Variants in POMGNT1 observed in about 807,000 individuals in gnomAD.
POMGNT1 encodes the protein protein O-linked mannose N-acetylglucosaminyltransferase 1 (beta 1,2-), also known as protein O-linked-mannose beta-1,2-N-acetylglucosaminyltransferase 1.
In POMGNT1, 67 loss-of-function variants were observed where a neutral mutation model predicts 95.6. That is an observed-to-expected ratio of 0.70 (90% CI 0.58 to 0.86). POMGNT1 has a LOEUF of 0.86. POMGNT1 is among the 40% of genes least tolerant of loss of function. The probability of loss-of-function intolerance (pLI) is 0.00; values close to 1 mark genes in which losing one functional copy is unlikely to be tolerated. For synonymous variants in POMGNT1, 298 were observed against 317.9 expected (o/e 0.94, Z 0.66); for missense variants, 719 against 855.2 (o/e 0.84, Z 1.99).
intron 8 of POMGNT1, 26 bp from the exon 9 acceptor site, chr1:46,194,427 G>A (rs779306304): frequency 6.2e-7 from 1 of 1,614,164 alleles, no homozygotes; most frequent in South Asian, 1.1e-5. Flanking sequence ...GGTTGTCATG[G>A]AGGCATGGGG....
chr1:46,190,523 G>A lies in POMGNT1; in HGVS notation c.1605-6C>T, dbSNP rs2148172583. 6.2e-7 allele frequency: 1 copy of A among 1,603,418 alleles called. No individual in the cohort carries two copies. Among genetic ancestry groups the A allele is most frequent in the Non-Finnish European group, 8.5e-7 (1 of 1,170,228 alleles). On this transcript the variant is annotated splice_polypyrimidine_tract_variant and splice_region_variant and intron_variant, in intron 18 of 21. Transcript: ENST00000371984. ...CATAAGCTTCTTTCTTCAGACTGAA[G>A]AGGAGGGAGAAATGGGTCAGGGGAG...
intron 17 of POMGNT1, 136 bp from the exon 18 acceptor site, chr1:46,190,920 TCTC>T (rs2148176133): frequency 1.2e-6 from 1 of 809,654 alleles, no homozygotes; most frequent in East Asian, 2.7e-5. Flanking sequence ...CCCACCGTCT[TCTC>T]CATCCTCTTT....
chr1:46,192,366 A>ACCCAG lies in POMGNT1; in HGVS notation c.1350_1354dup (p.Val452AlafsTer59). On this transcript the variant is annotated frameshift_variant, in exon 16 of 22. Coordinates refer to ENST00000371984, the MANE Select transcript of POMGNT1 (RefSeq NM_017739.4). LOFTEE classifies it high-confidence loss of function. The stretch of plus-strand genomic sequence containing the variant: ...CTCCTTGTACAAGGACCTCCTGAGC[A>ACCCAG]CCCAGCCCAGCCCAGGCATGGTCTC... 6.2e-7 allele frequency: 1 copy of ACCCAG among 1,614,136 alleles called. No individual in the cohort carries two copies. Among genetic ancestry groups the ACCCAG allele is most frequent in the Non-Finnish European group, 8.5e-7 (1 of 1,180,016 alleles).
intron 1 of POMGNT1, among the ~76,000 whole-genome samples, chr1:46,212,595 G>C (rs1235445332): frequency 6.7e-6 from 1 of 149,286 alleles, no homozygotes; most frequent in Admixed American, 6.7e-5. Context: ...TTTTTTTTTT[G>C]AATCAGAGTC....
chr1:46,209,429 G>C (rs1164520534), intron 1 of POMGNT1, among the ~76,000 whole-genome samples: 1 of 152,126 alleles, frequency 6.6e-6, no homozygotes, highest in Non-Finnish European at 1.5e-5. Flanking sequence ...AGGGCTGGTT[G>C]AATGTTTAAA....
At chr1:46,206,740 A>C (rs1658729167) in intron 1 of POMGNT1, among the ~76,000 whole-genome samples, 1 of 152,204 alleles carries the variant, frequency 6.6e-6, no homozygotes, top group South Asian at 2.1e-4. Flanking sequence ...AGACCCCTGA[A>C]TCCTGGGAAC....
At position 46,196,274 on chromosome 1, in the gene POMGNT1, G is replaced by A. The variant is rs757734771; in HGVS notation, c.355-197C>T. Among the ~76,000 whole-genome samples the A allele has an allele frequency of 1.3e-5, 2 of 152,132 alleles. No individual in the cohort carries two copies. Among genetic ancestry groups the A allele is most frequent in the Admixed American group, 6.5e-5 (1 of 15,272 alleles). On this transcript the variant is annotated intron_variant, in intron 4 of 21. Transcript: ENST00000371984. The surrounding 1 kb of genome is among the most constrained non-coding windows in gnomAD (Gnocchi z 4.4). ...TAGCACTCCCATCAGAAGAGATCAC[G>A]TCTTTCTACAACCCTCCCCTCCATG...
intron 1 of POMGNT1, among the ~76,000 whole-genome samples, chr1:46,207,203 C>T (rs980555890): frequency 1.3e-5 from 2 of 152,042 alleles, no homozygotes; most frequent in African/African-American, 4.8e-5. Flanking sequence ...GCCTCAGCTT[C>T]CTGAGTAGCT....
chr1:46,193,705 C>G, intron 10 of POMGNT1, 66 bp from the exon 11 acceptor site: 3 of 1,609,076 alleles, frequency 1.9e-6, no homozygotes, highest in Non-Finnish European at 2.5e-6. Flanking sequence ...CCTGTGTTTA[C>G]AGCTGGGCCC....
At position 46,190,592 on chromosome 1, in the gene POMGNT1, G is replaced by T. The variant is rs1657687426; in HGVS notation, c.1605-75C>A. The stretch of plus-strand genomic sequence containing the variant: ...CCATGGGTAGCACTGAGCAGGGCAA[G>T]GGGTCACATGGGAATCTGTAGCCGC... On this transcript the variant is annotated intron_variant, in intron 18 of 21. Coordinates refer to ENST00000371984, the MANE Select transcript of POMGNT1 (RefSeq NM_017739.4). The T allele has an allele frequency of 2.6e-6, 4 of 1,532,814 alleles. No homozygotes were observed. In the East Asian group the frequency reaches 9.0e-5, roughly 34 times the overall value. 95.0% of individuals were successfully genotyped at this position (1,532,814 alleles called of 1,614,324 possible).
upstream of POMGNT1, among the ~76,000 whole-genome samples, chr1:46,198,904 C>T (rs74599195): frequency 2.0e-4 from 31 of 152,256 alleles, no homozygotes; most frequent in East Asian, 6.0e-3. Context: ...TGTTTAATTC[C>T]ACAACAACCC....
intron 20 of POMGNT1, 92 bp from the exon 21 acceptor site, chr1:46,189,659 C>T: frequency 6.4e-7 from 1 of 1,554,366 alleles, no homozygotes; most frequent in Non-Finnish European, 8.7e-7. Context: ...CACCCCTCCT[C>T]AGAAACCACC....
rs372425155 is a variant in POMGNT1 at position 46,196,728 on chromosome 1, G to A, written c.354+3C>T. On this transcript the variant is annotated splice_donor_region_variant and intron_variant, in intron 4 of 21. Coordinates refer to ENST00000371984, the MANE Select transcript of POMGNT1 (RefSeq NM_017739.4). This position sits in a 1 kb window ranked among gnomAD's most constrained non-coding sequence, Gnocchi z 4.4. ...ACTGTACACCAGACCCTGGCCCACT[G>A]ACCGTGGTGCCATCCACTGCCACAT... 61 of 1,614,094 alleles carry A rather than the reference G, an allele frequency of 3.8e-5. No individual in the cohort carries two copies. In the Middle Eastern group the frequency reaches 4.9e-4, roughly 13 times the overall value.
intron 1 of POMGNT1, among the ~76,000 whole-genome samples, chr1:46,218,623 A>G (rs890178788): frequency 6.6e-6 from 1 of 152,194 alleles, no homozygotes; most frequent in African/African-American, 2.4e-5. Flanking sequence ...GAGCAGTGCA[A>G]TGCCTATAAA....
chr1:46,218,216 A>G (rs1215630130), intron 1 of POMGNT1, among the ~76,000 whole-genome samples: 2 of 152,118 alleles, frequency 1.3e-5, no homozygotes, highest in African/African-American at 4.8e-5. Flanking sequence ...ACAAGGTGAG[A>G]CCTTGTCTGT....
At chr1:46,189,697 G>A (rs1657598681) in intron 20 of POMGNT1, 130 bp from the exon 21 acceptor site, 1 of 1,541,982 alleles carries the variant, frequency 6.5e-7, no homozygotes, top group Non-Finnish European at 8.8e-7. Context: ...GCATCTTTTA[G>A]AATATGAATT....
chr1:46,212,928 A>T lies in POMGNT1; in HGVS notation c.-51+6777T>A, dbSNP rs950969120. Among the ~76,000 whole-genome samples, 7 of 150,514 alleles carry T rather than the reference A, an allele frequency of 4.7e-5. No individual in the cohort carries two copies. The East Asian group carries it at 9.9e-4, about 21-fold the overall frequency. On this transcript the variant is annotated intron_variant, in intron 1 of 22. Coordinates refer to the POMGNT1 transcript ENST00000371992. ...GTGTCCACCACCACACCTGGCAAAA[A>T]TTTTTTTTGTAATTTTTAGTAGAGA... is the stretch of plus-strand genomic sequence containing the variant.
In POMGNT1 at chr1:46,188,865, C is replaced by G. The variant is rs780383258; in HGVS notation, c.*405G>C. ...GGCACAGCAGTTTCCTGAGTAAGAG[C>G]CAGCCCCACCCTCAGGGCAGCATTC... On this transcript the variant is annotated 3_prime_UTR_variant, in exon 22 of 22. Transcript: ENST00000371984. 17 of 1,612,764 alleles carry G rather than the reference C, an allele frequency of 1.1e-5. No homozygotes were observed. The South Asian group carries it at 1.6e-4, about 16-fold the overall frequency.
upstream of POMGNT1, chr1:46,203,242 A>C: frequency 7.1e-6 from 3 of 421,290 alleles, no homozygotes; most frequent in Non-Finnish European, 1.3e-5. Flanking sequence ...TGTGCGCAGC[A>C]CTCGAATACA....
Sources: allele counts gnomAD v4.1 joint callset (sites outside exome capture counted in the v4.1 genomes callset), GRCh38; gene constraint gnomAD v4.1.1; non-coding constraint Gnocchi (gnomAD v3.1); transcripts MANE v1.5; gene names NCBI Gene and HGNC (gene_info 2026-07-23, HGNC 2026-07-21).